PLSCR2: variants seen among roughly 807,000 people sequenced by gnomAD.
The protein encoded by PLSCR2 is phospholipid scramblase 2.
Under a neutral mutation model 25.3 loss-of-function variants are expected in PLSCR2, and 18 were observed. The observed-to-expected ratio is 0.71, with a 90% confidence interval of 0.49 to 1.06. The LOEUF is 1.06. Among genes scored for constraint, PLSCR2 ranks in the 50% least tolerant of loss-of-function variants. The pLI, the probability that PLSCR2 is intolerant of heterozygous loss-of-function variation, is 0.00. For synonymous variants in PLSCR2, 88 were observed against 87.3 expected (o/e 1.01, Z -0.04); for missense variants, 243 against 269.5 (o/e 0.90, Z 0.69).
chr3:146,399,543 GTAA>G (rs2038388057), intron 2 of PLSCR2, among the ~76,000 whole-genome samples: 1 of 151,678 alleles, frequency 6.6e-6, no homozygotes, highest in South Asian at 2.1e-4. Flanking sequence ...TAAGAAACTT[GTAA>G]TAGTAGTTGT....
At chr3:146,412,921 C>A (rs139289862) in intron 2 of PLSCR2, among the ~76,000 whole-genome samples, 1 of 151,970 alleles carries the variant, frequency 6.6e-6, no homozygotes, top group Non-Finnish European at 1.5e-5. Context: ...GATGACCAGG[C>A]GAACAGATGT....
At chr3:146,409,846 C>T (rs2038787288) in intron 2 of PLSCR2, among the ~76,000 whole-genome samples, 1 of 152,146 alleles carries the variant, frequency 6.6e-6, no homozygotes, top group South Asian at 2.1e-4. Context: ...GAAAAACTCA[C>T]TCCCTGGGGG....
chr3:146,449,807 A>C (rs1416914625), intron 5 of PLSCR2, among the ~76,000 whole-genome samples: 1 of 152,162 alleles, frequency 6.6e-6, no homozygotes, highest in Non-Finnish European at 1.5e-5. Context: ...CTGAATGTTT[A>C]AATATGAAGA....
intron 6 of PLSCR2, among the ~76,000 whole-genome samples, chr3:146,443,310 C>G (rs6766800): frequency 1.3e-5 from 2 of 151,658 alleles, no homozygotes; most frequent in Non-Finnish European, 2.9e-5. Context: ...ATTCCTCCCC[C>G]CTCTATTTTT....
intron 1 of PLSCR2, among the ~76,000 whole-genome samples, chr3:146,483,546 A>G (rs1007123817): frequency 1.5e-5 from 2 of 132,934 alleles, no homozygotes; most frequent in African/African-American, 5.6e-5. Context: ...CTCTTCAAGG[A>G]AAAAGATTCC....
intron 2 of PLSCR2, among the ~76,000 whole-genome samples, chr3:146,409,146 G>C (rs1479323554): frequency 6.6e-6 from 1 of 152,024 alleles, no homozygotes; most frequent in Non-Finnish European, 1.5e-5. Context: ...GTCAGAAGTA[G>C]AAAAAAGGGA....
chr3:146,416,604 G>A (rs1397184878), intron 2 of PLSCR2: 2 of 152,178 alleles, frequency 1.3e-5, no homozygotes, highest in African/African-American at 4.8e-5. Context: ...GATTATGTAA[G>A]TGCTTTAGAG....
At chr3:146,421,351 T>G (rs956844682) in intron 2 of PLSCR2, among the ~76,000 whole-genome samples, 11 of 151,962 alleles carry the variant, frequency 7.2e-5, no homozygotes, top group African/African-American at 2.7e-4. Flanking sequence ...GAATTTTATC[T>G]CATATTAGAT....
chr3:146,460,157 T>G, intron 1 of PLSCR2, 74 bp from the exon 2 acceptor site: 2 of 1,383,182 alleles, frequency 1.4e-6, no homozygotes, highest in Non-Finnish European at 1.9e-6. Context: ...TAACCCCAGT[T>G]ATCTACAAAC....
intron 2 of PLSCR2, among the ~76,000 whole-genome samples, chr3:146,411,076 G>T (rs2108039377): frequency 6.7e-6 from 1 of 150,004 alleles, no homozygotes; most frequent in South Asian, 2.1e-4. Context: ...ATTTATAACA[G>T]TTTTTTTTTT....
chr3:146,484,487 G>A (rs559311528), intron 1 of PLSCR2, among the ~76,000 whole-genome samples: 19 of 151,998 alleles, frequency 1.3e-4, no homozygotes, highest in Non-Finnish European at 2.1e-4. Context: ...ACAAATAATC[G>A]TCAGATTCTC....
rs1576634817 is a variant in PLSCR2 at position 146,441,972 on chromosome 3, A to G, written c.646-151T>C. 15 of 531,378 alleles carry G rather than the reference A, an allele frequency of 2.8e-5. No homozygotes were observed. In the East Asian group the frequency reaches 4.9e-4, roughly 17 times the overall value. The allele number at this position is 531,378 out of a possible 1,614,324, so 32.9% of individuals were successfully genotyped here. On this transcript the variant is annotated intron_variant, in intron 6 of 6. Coordinates refer to ENST00000610787, the Ensembl canonical transcript of PLSCR2. ...AGTAATGTGAGAAAAGTCTACAGGTATAAGTTCTCTACCTTCAGCTATCTA... is the reference window on the plus strand; with the variant it reads ...AGTAATGTGAGAAAAGTCTACAGGTGTAAGTTCTCTACCTTCAGCTATCTA...
intron 3 of PLSCR2, among the ~76,000 whole-genome samples, chr3:146,456,840 CT>C (rs1449447107): frequency 6.6e-6 from 1 of 151,758 alleles, no homozygotes; most frequent in Non-Finnish European, 1.5e-5. Flanking sequence ...AAATTAAAAA[CT>C]GGTAAATGTG....
At chr3:146,460,229 A>G (rs1434652768) in exon 1 of PLSCR2, 6 of 1,381,388 alleles carry the variant, frequency 4.3e-6, no homozygotes, top group Non-Finnish European at 5.6e-6. Flanking sequence ...ATCTTCAGAT[A>G]TGTTTTAATG....
rs71158238 is a variant in PLSCR2, at chr3:146,404,821, A to AAAAAG, written c.101-8901_101-8900insCTTTT. Among the ~76,000 whole-genome samples, 2 of 124,696 alleles carry AAAAAG rather than the reference A, an allele frequency of 1.6e-5. 1 individual carries two copies. The highest frequency in any genetic ancestry group is 3.4e-5 in the Non-Finnish European group (2 of 59,490). 81.8% of individuals were successfully genotyped at this position (124,696 alleles called of 152,430 possible). On this transcript the variant is annotated intron_variant and NMD_transcript_variant, in intron 2 of 3. Coordinates refer to the PLSCR2 transcript ENST00000463633. ...AGGAAGAAATAGGCAAAAAAAAAAA[A>AAAAAG]GGGGGGGGGTGGTGGTTAACTGGTC...
At chr3:146,391,594 G>A (rs938250059) in intron 3 of PLSCR2, 1 of 152,494 alleles carries the variant, frequency 6.6e-6, no homozygotes, top group Non-Finnish European at 1.5e-5. Context: ...AATACAATTA[G>A]ATTGGTTTAA....
chr3:146,480,356 G>C (rs572734573), intron 1 of PLSCR2, among the ~76,000 whole-genome samples: 11 of 152,040 alleles, frequency 7.2e-5, no homozygotes, highest in African/African-American at 2.4e-4. Context: ...TAATAAAGAA[G>C]AAAAGAGAGA....
At chr3:146,408,792 T>A (rs1300501449) in intron 2 of PLSCR2, among the ~76,000 whole-genome samples, 1 of 152,160 alleles carries the variant, frequency 6.6e-6, no homozygotes, top group African/African-American at 2.4e-5. Context: ...TAGACAAGTT[T>A]ATGGGTTTCC....
intron 2 of PLSCR2, among the ~76,000 whole-genome samples, chr3:146,407,753 C>A (rs976166175): frequency 6.6e-6 from 1 of 152,066 alleles, no homozygotes; most frequent in African/African-American, 2.4e-5. Flanking sequence ...ATCAATTCAG[C>A]TTTTTGCGCT....
Sources: allele counts gnomAD v4.1 joint callset (sites outside exome capture counted in the v4.1 genomes callset), GRCh38; gene constraint gnomAD v4.1.1; transcripts MANE v1.5; gene names NCBI Gene and HGNC (gene_info 2026-07-23, HGNC 2026-07-21).